The following EXOC6B variants were observed in gnomAD, a reference collection of about 807,000 sequenced individuals.
The protein encoded by EXOC6B is exocyst complex component 6B, also known as SEC15 homolog B.
In EXOC6B, 54 loss-of-function variants were observed where a neutral mutation model predicts 113.5. The observed-to-expected ratio is 0.48, with a 90% CI of 0.38 to 0.60. The LOEUF (loss-of-function observed/expected upper bound fraction) is 0.60. EXOC6B is among the 20% of genes least tolerant of loss of function. EXOC6B has a pLI of 0.00. For synonymous variants in EXOC6B, 357 were observed against 339.0 expected (o/e 1.05, Z -0.58); for missense variants, 797 against 977.5 (o/e 0.82, Z 2.46).
At chr2:72,697,177 T>C (rs536823583) in intron 6 of EXOC6B, among the ~76,000 whole-genome samples, 1 of 150,070 alleles carries the variant, frequency 6.7e-6, no homozygotes, top group East Asian at 1.9e-4. Flanking sequence ...ACAAAAATAT[T>C]TTATTGATGG....
intron 20 of EXOC6B, among the ~76,000 whole-genome samples, chr2:72,228,662 A>T (rs1681415072): frequency 6.6e-6 from 1 of 152,058 alleles, no homozygotes; most frequent in African/African-American, 2.4e-5. Flanking sequence ...ATCCAGTCTA[A>T]CATTGTTGGA....
chr2:72,761,862 C>T (rs1013238654), intron 1 of EXOC6B, among the ~76,000 whole-genome samples: 3 of 151,988 alleles, frequency 2.0e-5, no homozygotes, highest in African/African-American at 7.3e-5. Context: ...CCTGTAATCC[C>T]AGCTACTCAG....
intron 18 of EXOC6B, among the ~76,000 whole-genome samples, chr2:72,389,313 T>G (rs909651189): frequency 3.3e-5 from 5 of 151,976 alleles, no homozygotes; most frequent in African/African-American, 1.2e-4. Context: ...ATTCCATATA[T>G]AAAAACAGTA....
intron 19 of EXOC6B, among the ~76,000 whole-genome samples, chr2:72,346,160 A>T (rs1031382850): frequency 5.9e-5 from 9 of 152,236 alleles, no homozygotes; most frequent in African/African-American, 1.9e-4. Flanking sequence ...GTATTTATAA[A>T]TTTTTTCTAA....
At chr2:72,312,581 T>C (rs1049208476) in intron 20 of EXOC6B, among the ~76,000 whole-genome samples, 2 of 151,622 alleles carry the variant, frequency 1.3e-5, no homozygotes, top group African/African-American at 2.4e-5. Context: ...TCATAGGATA[T>C]AAGAAATCAA....
chr2:72,249,404 G>A (rs1573086944), intron 20 of EXOC6B, among the ~76,000 whole-genome samples: 1 of 151,950 alleles, frequency 6.6e-6, no homozygotes, highest in East Asian at 1.9e-4. Flanking sequence ...ATAGGCGCCC[G>A]CCACTACACC....
chr2:72,597,666 A>T (rs1445325570), intron 6 of EXOC6B, among the ~76,000 whole-genome samples: 1 of 151,998 alleles, frequency 6.6e-6, no homozygotes, highest in East Asian at 1.9e-4. Flanking sequence ...ATAAAAAGAA[A>T]GACTCAGCTA....
chr2:72,475,708 G>T (rs1426962877), intron 17 of EXOC6B, among the ~76,000 whole-genome samples: 1 of 152,160 alleles, frequency 6.6e-6, no homozygotes, highest in Non-Finnish European at 1.5e-5. Flanking sequence ...CAGCTGTGCT[G>T]GTTCCCTGCC....
chr2:72,390,795 T>C (rs1692328794), intron 18 of EXOC6B, among the ~76,000 whole-genome samples: 3 of 152,164 alleles, frequency 2.0e-5, no homozygotes, highest in Admixed American at 2.0e-4. Flanking sequence ...CACCCCCATC[T>C]CTTCATCTGA....
intron 20 of EXOC6B, among the ~76,000 whole-genome samples, chr2:72,291,429 G>A (rs1470694501): frequency 6.6e-6 from 1 of 152,190 alleles, no homozygotes; most frequent in Non-Finnish European, 1.5e-5. Flanking sequence ...GCTTTCATCA[G>A]TTAATGTCTG....
At chr2:72,679,599 T>A (rs1406786387) in intron 6 of EXOC6B, among the ~76,000 whole-genome samples, 2 of 152,148 alleles carry the variant, frequency 1.3e-5, no homozygotes, top group East Asian at 3.9e-4. Context: ...GGTAATCCCA[T>A]GAGATTTCAC....
chr2:72,669,217 C>T (rs1675613444), intron 6 of EXOC6B, among the ~76,000 whole-genome samples: 1 of 152,026 alleles, frequency 6.6e-6, no homozygotes, highest in Non-Finnish European at 1.5e-5. Context: ...AAGAACAAGA[C>T]AGCAGCAAAA....
rs550671859 is a variant in EXOC6B at position 72,825,982 on chromosome 2, T to C, written c.-72A>G. The C allele has an allele frequency of 5.1e-6, 8 of 1,564,502 alleles. No individual in the cohort carries two copies. In the East Asian group the frequency reaches 1.6e-4, roughly 32 times the overall value. On this transcript the variant is annotated 5_prime_UTR_variant, in exon 1 of 22. Coordinates refer to ENST00000272427, the MANE Select transcript of EXOC6B (RefSeq NM_015189.3). The surrounding 1 kb of genome is among the most constrained non-coding windows in gnomAD (Gnocchi z 4.4). Reference sequence around the variant, plus strand: ...CCTTTTCCCTGCCCCACAATGCCGCTCCCACCACAGGCTCCACAGCCGCCC... The same window carrying C: ...CCTTTTCCCTGCCCCACAATGCCGCCCCCACCACAGGCTCCACAGCCGCCC...
intron 5 of EXOC6B, among the ~76,000 whole-genome samples, chr2:72,722,941 C>A (rs963429209): frequency 1.3e-5 from 2 of 152,152 alleles, no homozygotes; most frequent in Non-Finnish European, 2.9e-5. Flanking sequence ...CTAATTAGTA[C>A]AAAACCCAGT....
chr2:72,205,459 T>C (rs1679781044), intron 20 of EXOC6B, among the ~76,000 whole-genome samples: 1 of 151,986 alleles, frequency 6.6e-6, no homozygotes, highest in Non-Finnish European at 1.5e-5. Flanking sequence ...GTGCTGACCA[T>C]GAAACAATGA....
intron 17 of EXOC6B, among the ~76,000 whole-genome samples, chr2:72,469,719 T>C (rs1056165494): frequency 1.3e-5 from 2 of 152,036 alleles, no homozygotes; most frequent in South Asian, 4.1e-4. Context: ...TTTGTATAAG[T>C]TGTTGTTGGA....
At chr2:72,729,823 G>T (rs2104768468) in intron 5 of EXOC6B, among the ~76,000 whole-genome samples, 1 of 152,110 alleles carries the variant, frequency 6.6e-6, no homozygotes, top group South Asian at 2.1e-4. Context: ...TTCTCATAGT[G>T]TTCTATCCAT....
At chr2:72,421,128 T>C (rs1454398422) in intron 18 of EXOC6B, among the ~76,000 whole-genome samples, 2 of 152,368 alleles carry the variant, frequency 1.3e-5, no homozygotes, top group African/African-American at 4.8e-5. Flanking sequence ...TTGTAGATTC[T>C]GGATATTAGC....
At position 72,496,553 on chromosome 2, in the gene EXOC6B, T is replaced by C. The variant is rs1174873160; in HGVS notation, c.1344A>G (p.Ile448Met). 6.4e-7 allele frequency: 1 copy of C among 1,573,686 alleles called. No individual in the cohort carries two copies. The highest frequency in any genetic ancestry group is 2.3e-5 in the East Asian group (1 of 44,330). Residue 448 changes from isoleucine to methionine, a missense_variant, in exon 14 of 22, where the codon ATA (isoleucine) becomes ATG (methionine). Transcript: ENST00000272427. ...TAGGACTGTAGTTGTCAGAATCAAG[T>C]ATGTTTCTATAAATGGAAGGATAGA... ...LKKWAGIFRN[I>M]LDSDNYSPIP...
Sources: allele counts gnomAD v4.1 joint callset (sites outside exome capture counted in the v4.1 genomes callset), GRCh38; gene constraint gnomAD v4.1.1; non-coding constraint Gnocchi (gnomAD v3.1); transcripts MANE v1.5; gene names NCBI Gene and HGNC (gene_info 2026-07-23, HGNC 2026-07-21).